The following HMG20B variants were observed in gnomAD, a reference collection of about 807,000 sequenced individuals.
The protein encoded by HMG20B is high mobility group 20B.
A neutral mutation model predicts 41.6 loss-of-function variants in HMG20B; 24 were observed. The ratio of observed to expected loss-of-function variants is 0.58; its 90% CI spans 0.42 to 0.81. HMG20B has a LOEUF of 0.81. Ranked by LOEUF, HMG20B falls within the 30% of genes least tolerant of loss-of-function variation. The pLI is 0.00. For synonymous variants in HMG20B, 251 were observed against 186.6 expected (o/e 1.34, Z -2.81); for missense variants, 461 against 444.0 (o/e 1.04, Z -0.34).
At chr19:3,573,028 G>T (rs1268878147) in intron 1 of HMG20B, 34 bp downstream of exon 1, 2 of 399,682 alleles carry the variant, frequency 5.0e-6, no homozygotes, top group East Asian at 7.5e-5. Context: ...GGCCCTGAGA[G>T]GGGGCGGGGG....
rs1318616439 is a variant in HMG20B, at chr19:3,577,004, G to A, written c.705G>A (p.Glu235=). 3.8e-6 allele frequency: 6 copies of A among 1,558,832 alleles called. No homozygotes were observed. In the South Asian group the frequency reaches 4.7e-5, roughly 12 times the overall value. ...TGAGCAGCGCGCGCGAGCGTCTGGAGCAGGAGCTGGCGCTGGAGGAGCGGA... is the reference window on the plus strand; with the variant it reads ...TGAGCAGCGCGCGCGAGCGTCTGGAACAGGAGCTGGCGCTGGAGGAGCGGA... ...QSMSSARERL[E]QELALEERRT... Residue 235 remains glutamate (E), a synonymous_variant, in exon 8 of 10, where the codon GAG becomes GAA. Transcript: ENST00000333651.
chr19:3,573,473 C>T (rs1271384342), intron 2 of HMG20B, 126 bp downstream of exon 2: 6 of 1,093,162 alleles, frequency 5.5e-6, no homozygotes, highest in Middle Eastern at 2.1e-4. Flanking sequence ...GGGGCTTCTC[C>T]CTCCACCCAA....
At chr19:3,576,493 C>A in intron 6 of HMG20B, 60 bp from the exon 7 acceptor site, 1 of 1,505,620 alleles carries the variant, frequency 6.6e-7, no homozygotes, top group South Asian at 1.1e-5. Flanking sequence ...TTGGGGCACA[C>A]CCAGAGAGCG....
At position 3,573,807 on chromosome 19, in the gene HMG20B, G is replaced by A; in HGVS notation, c.147+7G>A. 6.3e-7 allele frequency: 1 copy of A among 1,593,160 alleles called. No homozygotes were observed. Among genetic ancestry groups the A allele is most frequent in the South Asian group, 1.1e-5 (1 of 89,390 alleles). On this transcript the variant is annotated splice_region_variant and intron_variant, in intron 3 of 9. Transcript: ENST00000333651. ...GGGGTCCCACGAGGAGGAGGTGAGA[G>A]TCCCTGCGCTGAGCTGGGGGAGGCC...
chr19:3,577,477 C>T (rs1486997654), intron 8 of HMG20B, among the ~76,000 whole-genome samples: 1 of 143,494 alleles, frequency 7.0e-6, no homozygotes, highest in Non-Finnish European at 1.5e-5. Flanking sequence ...TGCCCCCACC[C>T]TTCGCGCCCC....
In HMG20B at chr19:3,576,305, A is replaced by G; in HGVS notation, c.517A>G (p.Lys173Glu). ...GLMNTLLNGH[K>E]GGDCDGFSTF... The stretch of plus-strand genomic sequence containing the variant: ...CATGAACACTCTCCTGAATGGACAC[A>G]AGGTAAGCGACCTTCTTCCTCTCAA... The change falls in exon 6 of 10, where the codon AAG becomes GAG. Residue 173 changes from lysine to glutamate, a missense_variant and splice_region_variant. Transcript: ENST00000333651. 1 of 1,601,698 alleles carries G rather than the reference A, an allele frequency of 6.2e-7. No individual in the cohort carries two copies. Among genetic ancestry groups the G allele is most frequent in the Non-Finnish European group, 8.5e-7 (1 of 1,173,802 alleles).
intron 4 of HMG20B, 141 bp from the exon 5 acceptor site, chr19:3,575,399 G>C (rs1043268687): frequency 6.6e-5 from 92 of 1,397,644 alleles, no homozygotes; most frequent in Non-Finnish European, 8.4e-5. Context: ...AGGCTGAGGA[G>C]CCGGTTCTGT....
At chr19:3,576,725 A>G in intron 7 of HMG20B, 100 bp downstream of exon 7, 1 of 1,297,876 alleles carries the variant, frequency 7.7e-7, no homozygotes, top group South Asian at 1.3e-5. Flanking sequence ...GCGGATCGGG[A>G]GGTTCCCTAT....
intron 2 of HMG20B, 137 bp from the exon 3 acceptor site, chr19:3,573,555 C>A: frequency 1.1e-6 from 1 of 906,500 alleles, no homozygotes; most frequent in Non-Finnish European, 1.6e-6. Context: ...CGGATACTGA[C>A]CCCATCAGAC....
intron 9 of HMG20B, 135 bp downstream of exon 9, chr19:3,578,248 C>T: frequency 1.5e-6 from 2 of 1,303,750 alleles, no homozygotes; most frequent in East Asian, 2.5e-5. Context: ...AGGGGCCTAC[C>T]TGCGGTCGCC....
chr19:3,577,170 CCT>C (rs1433297233), intron 8 of HMG20B, 63 bp downstream of exon 8: 274 of 1,166,686 alleles, frequency 2.3e-4, no homozygotes, highest in Admixed American at 1.1e-3. Context: ...CCTCCCCCCC[CCT>C]CCTCCCTTCC....
rs1599855926 is a variant in HMG20B at position 3,576,285 on chromosome 19, A to G, written c.497A>G (p.Asn166Ser). 1.2e-6 allele frequency: 2 copies of G among 1,613,576 alleles called. No homozygotes were observed. Among genetic ancestry groups the G allele is most frequent in the Admixed American group, 1.7e-5 (1 of 59,966 alleles). ...GAAGACTCGAGCTCTGGGCTCATGA[A>G]CACTCTCCTGAATGGACACAAGGTA... Reference protein sequence around the residue: ...KKEDSSSGLMNTLLNGHKGGD... With the variant: ...KKEDSSSGLMSTLLNGHKGGD... The change falls in exon 6 of 10, where the codon AAC becomes AGC. Residue 166 changes from asparagine to serine, a missense_variant. By Grantham distance (46) the Asn-to-Ser change is conservative (BLOSUM62 1). Transcript: ENST00000333651.
At chr19:3,574,114 G>A (rs2032103509) in intron 3 of HMG20B, 14 of 628,622 alleles carry the variant, frequency 2.2e-5, no homozygotes, top group South Asian at 7.1e-5. Flanking sequence ...ACCAAGCAGA[G>A]GCCACGCCCA....
intron 4 of HMG20B, 143 bp downstream of exon 4, chr19:3,574,729 T>G (rs145661341): frequency 0.091 from 67,122 of 736,564 alleles, 4,404 homozygotes; most frequent in South Asian, 0.2. Flanking sequence ...TTTTTTTTTT[T>G]TTTTTGTGAG....
At position 3,578,808 on chromosome 19, in the gene HMG20B, G is replaced by A. The variant is rs1289899484; in HGVS notation, c.*287G>A. ...AGCCACGCGCTACACTGGCTCTCCGGGCCACCCCCAGGACACAGGGCAGAC... is the reference window on the plus strand; with the variant it reads ...AGCCACGCGCTACACTGGCTCTCCGAGCCACCCCCAGGACACAGGGCAGAC... On this transcript the variant is annotated 3_prime_UTR_variant, in exon 10 of 10. Coordinates refer to ENST00000333651, the MANE Select transcript of HMG20B (RefSeq NM_006339.3). 1 of 707,498 alleles carries A rather than the reference G, an allele frequency of 1.4e-6. No individual in the cohort carries two copies. The allele number at this position is 707,498 out of a possible 1,614,324, so 43.8% of individuals were successfully genotyped here.
intron 4 of HMG20B, 69 bp downstream of exon 4, chr19:3,574,655 C>A: frequency 7.3e-7 from 1 of 1,369,228 alleles, no homozygotes; most frequent in Non-Finnish European, 9.9e-7. Context: ...CCCCGACCCC[C>A]AAAGGATTCC....
intron 8 of HMG20B, 30 bp downstream of exon 8, chr19:3,577,137 C>T (rs1323298714): frequency 3.0e-5 from 42 of 1,419,764 alleles, no homozygotes; most frequent in Non-Finnish European, 3.8e-5. Context: ...CCCAGTCCCG[C>T]CCCGGTCACC....
chr19:3,578,845 C>T lies in HMG20B; in HGVS notation c.*324C>T, dbSNP rs547614554. The T allele has an allele frequency of 4.4e-5, 28 of 637,146 alleles. No individual in the cohort carries two copies. The highest frequency in any genetic ancestry group is 3.7e-4 in the South Asian group (25 of 67,522). The allele number at this position is 637,146 out of a possible 1,614,324, so 39.5% of individuals were successfully genotyped here. A position where few individuals can be genotyped will look rare whatever the true frequency, so the allele number is the denominator to read the frequency against. ...GACACAGGGCAGACGAAACCCACCC[C>T]CAGCACACGGCAGGACCCCCCAAAT... On this transcript the variant is annotated 3_prime_UTR_variant, in exon 10 of 10. Coordinates refer to ENST00000333651, the MANE Select transcript of HMG20B (RefSeq NM_006339.3).
At chr19:3,573,162 C>T (rs1439235647) in intron 1 of HMG20B, 130 bp from the exon 2 acceptor site, 2 of 675,346 alleles carry the variant, frequency 3.0e-6, no homozygotes, top group African/African-American at 1.9e-5. Context: ...GACTTCCCTG[C>T]CCCTGGATCC....
Sources: allele counts gnomAD v4.1 joint callset (sites outside exome capture counted in the v4.1 genomes callset), GRCh38; gene constraint gnomAD v4.1.1; transcripts MANE v1.5; gene names NCBI Gene and HGNC (gene_info 2026-07-23, HGNC 2026-07-21).